DSCAM: variants seen among roughly 807,000 people sequenced by gnomAD.
DSCAM encodes DS cell adhesion molecule.
A neutral mutation model predicts 217.7 loss-of-function variants in DSCAM; 47 were observed. The observed-to-expected ratio is 0.22, with a 90% CI of 0.17 to 0.28. DSCAM has a LOEUF of 0.28. Ranked by LOEUF, DSCAM falls within the 10% of genes least tolerant of loss-of-function variation. The pLI, the probability that DSCAM is intolerant of heterozygous loss-of-function variation, is 1.00. For synonymous variants in DSCAM, 1,056 were observed against 1,015.3 expected (o/e 1.04, Z -0.76); for missense variants, 2,080 against 2,618.3 (o/e 0.79, Z 4.49).
At chr21:40,487,669 G>A (rs899649494) in intron 3 of DSCAM, among the ~76,000 whole-genome samples, 7 of 152,162 alleles carry the variant, frequency 4.6e-5, no homozygotes, top group South Asian at 2.1e-4. Flanking sequence ...AAGGAAGCCC[G>A]TGAGAAAGTT....
intron 1 of DSCAM, among the ~76,000 whole-genome samples, chr21:40,731,021 TTTA>T (rs1218906496): frequency 2.0e-5 from 3 of 152,198 alleles, no homozygotes; most frequent in African/African-American, 7.2e-5. Context: ...AATTTACATA[TTTA>T]TTGTTTCTCT....
chr21:40,104,104 C>T (rs954274906), intron 20 of DSCAM, among the ~76,000 whole-genome samples: 8 of 151,994 alleles, frequency 5.3e-5, no homozygotes, highest in Admixed American at 2.0e-4. Context: ...TCTTTCCAAC[C>T]GATATAATCT....
At chr21:40,190,501 T>C (rs1276683243) in intron 11 of DSCAM, among the ~76,000 whole-genome samples, 1 of 152,000 alleles carries the variant, frequency 6.6e-6, no homozygotes, top group Non-Finnish European at 1.5e-5. Flanking sequence ...AAAATAATAA[T>C]AACAATAAAT....
chr21:40,476,469 A>T (rs8129027), intron 3 of DSCAM, among the ~76,000 whole-genome samples: 3,002 of 152,328 alleles, frequency 0.02, 94 homozygotes, highest in African/African-American at 0.067. Flanking sequence ...TCAATTTATC[A>T]TAATAATATT....
chr21:40,372,936 G>T (rs1326435164), intron 3 of DSCAM, among the ~76,000 whole-genome samples: 2 of 152,130 alleles, frequency 1.3e-5, no homozygotes, highest in African/African-American at 2.4e-5. Context: ...ATTAGCATAG[G>T]GGCCAGTGGG....
intron 20 of DSCAM, among the ~76,000 whole-genome samples, chr21:40,121,615 A>G (rs907849453): frequency 1.3e-4 from 19 of 150,500 alleles, no homozygotes; most frequent in Non-Finnish European, 2.5e-4. Context: ...CAACACAGAG[A>G]TACCCTGATA....
intron 1 of DSCAM, among the ~76,000 whole-genome samples, chr21:40,754,249 G>T (rs2091254547): frequency 6.6e-6 from 1 of 152,118 alleles, no homozygotes; most frequent in African/African-American, 2.4e-5. Flanking sequence ...CACTATAATA[G>T]CCTCCTTTCT....
chr21:40,820,477 G>A (rs574871267), intron 1 of DSCAM, among the ~76,000 whole-genome samples: 2 of 152,132 alleles, frequency 1.3e-5, no homozygotes, highest in African/African-American at 2.4e-5. Flanking sequence ...GGGGCAAGGT[G>A]GGGGAGAGCA....
intron 3 of DSCAM, among the ~76,000 whole-genome samples, chr21:40,402,391 A>G (rs1013781454): frequency 3.3e-5 from 5 of 151,888 alleles, no homozygotes; most frequent in African/African-American, 1.2e-4. Context: ...TTTTAAGACA[A>G]ATGGTATTAG....
At chr21:40,707,149 C>T (rs1046635878) in intron 2 of DSCAM, among the ~76,000 whole-genome samples, 35 of 152,268 alleles carry the variant, frequency 2.3e-4, no homozygotes, top group Middle Eastern at 3.4e-3. Context: ...TGGATTAATA[C>T]GCACAGATGG....
rs531961504 is a variant in DSCAM at position 40,409,854 on chromosome 21, T to G, written c.509-40609A>C. Reference sequence around the variant, plus strand: ...TCATATTGAGGCCAAGTAACTCAACTGCATCCCAGTAAACTGTCCAACAAT... The same window carrying G: ...TCATATTGAGGCCAAGTAACTCAACGGCATCCCAGTAAACTGTCCAACAAT... On this transcript the variant is annotated intron_variant, in intron 3 of 32. Coordinates refer to ENST00000400454, the MANE Select transcript of DSCAM (RefSeq NM_001389.5). Among the ~76,000 whole-genome samples the G allele has an allele frequency of 5.3e-5, 8 of 152,292 alleles. No homozygotes were observed. In the East Asian group the frequency reaches 1.5e-3, roughly 29 times the overall value.
chr21:40,044,810 G>T (rs2088817268), intron 30 of DSCAM, among the ~76,000 whole-genome samples: 1 of 152,164 alleles, frequency 6.6e-6, no homozygotes, highest in Non-Finnish European at 1.5e-5. Flanking sequence ...GTCATATTCT[G>T]TAAAACAAGG....
chr21:40,077,742 A>C (rs940995818), intron 26 of DSCAM, among the ~76,000 whole-genome samples: 3 of 152,204 alleles, frequency 2.0e-5, no homozygotes, highest in African/African-American at 7.2e-5. Flanking sequence ...GGCTGTCAAT[A>C]AAGGGTTTGG....
At chr21:40,188,141 A>T (rs1327166458) in intron 12 of DSCAM, among the ~76,000 whole-genome samples, 154 bp from the exon 13 acceptor site, 1 of 151,936 alleles carries the variant, frequency 6.6e-6, no homozygotes, top group Admixed American at 6.6e-5. Flanking sequence ...CAAAACCCCC[A>T]TTCCTCCAGA....
chr21:40,426,913 GA>G (rs201523436), intron 3 of DSCAM, among the ~76,000 whole-genome samples: 80 of 151,100 alleles, frequency 5.3e-4, no homozygotes, highest in African/African-American at 1.9e-3. Context: ...CTAACACTTT[GA>G]AAAAAAAATC....
At chr21:40,452,918 T>A (rs1461802662) in intron 3 of DSCAM, among the ~76,000 whole-genome samples, 2 of 152,134 alleles carry the variant, frequency 1.3e-5, no homozygotes, top group South Asian at 2.1e-4. Context: ...TTAGACATAA[T>A]TAGGTAATTC....
intron 1 of DSCAM, among the ~76,000 whole-genome samples, chr21:40,821,177 C>T (rs2091923951): frequency 9.5e-6 from 1 of 105,478 alleles, no homozygotes; most frequent in Non-Finnish European, 2.2e-5. Flanking sequence ...GAATCATCTT[C>T]ACTGTTTTGA....
intron 3 of DSCAM, among the ~76,000 whole-genome samples, chr21:40,405,872 C>T (rs1344794018): frequency 6.6e-6 from 1 of 152,038 alleles, no homozygotes; most frequent in Non-Finnish European, 1.5e-5. Context: ...TGGCGTGCAC[C>T]TGTAATCCCA....
chr21:40,065,173 T>G (rs2089188347), intron 27 of DSCAM, among the ~76,000 whole-genome samples: 1 of 152,118 alleles, frequency 6.6e-6, no homozygotes, highest in South Asian at 2.1e-4. Flanking sequence ...TATGCAGAGC[T>G]GGATGTAGTA....
Sources: allele counts gnomAD v4.1 joint callset (sites outside exome capture counted in the v4.1 genomes callset), GRCh38; gene constraint gnomAD v4.1.1; transcripts MANE v1.5; gene names NCBI Gene and HGNC (gene_info 2026-07-23, HGNC 2026-07-21).